GCFC2: variants seen among roughly 807,000 people sequenced by gnomAD.
The protein encoded by GCFC2 is intron Large complex component GCFC2.
Under a neutral mutation model 99.4 loss-of-function variants are expected in GCFC2, and 102 were observed. That is an observed-to-expected ratio of 1.03 (90% CI 0.87 to 1.21). The LOEUF (loss-of-function observed/expected upper bound fraction) is 1.21. Among genes scored for constraint, GCFC2 ranks in the 50% most tolerant of loss-of-function variants. The pLI is 0.00. For synonymous variants in GCFC2, 338 were observed against 316.8 expected, an observed-to-expected ratio of 1.07 and a Z score of -0.71; for missense variants, 973 against 920.9, an observed-to-expected ratio of 1.06 and a Z score of -0.73.
chr2:75,703,305 G>T (rs1680692799), intron 2 of GCFC2, among the ~76,000 whole-genome samples: 1 of 152,158 alleles, frequency 6.6e-6, no homozygotes, highest in Non-Finnish European at 1.5e-5. Context: ...AGGCTGAAGT[G>T]AAATTTTCTA....
In GCFC2 at chr2:75,694,302, C is replaced by T. The variant is rs1349949108; in HGVS notation, c.959G>A (p.Cys320Tyr). The T allele has an allele frequency of 2.4e-6, 3 of 1,270,520 alleles. No homozygotes were observed. The highest frequency in any genetic ancestry group is 3.4e-6 in the Non-Finnish European group (3 of 889,656). The allele number at this position is 1,270,520 out of a possible 1,614,324, so 78.7% of individuals were successfully genotyped here. A position where few individuals can be genotyped will look rare whatever the true frequency, so the allele number is the denominator to read the frequency against. Residue 320 changes from cysteine (C) to tyrosine (Y), a missense_variant, in exon 6 of 17, where the codon TGT (cysteine) becomes TAT (tyrosine). Cys to Tyr is a radical substitution (Grantham distance 194). Transcript: ENST00000321027. ...AATTTTCATGCTTTTATAGAATTTA[C>T]AATTTAGAGCTTGATTTGATGAACT... is the stretch of plus-strand genomic sequence containing the variant. ...LESSSNQALNCKFYKSMKIYV... is the reference protein window; with the variant it reads ...LESSSNQALNYKFYKSMKIYV...
chr2:75,712,385 G>A (rs987658047), upstream of GCFC2, among the ~76,000 whole-genome samples: 1 of 152,184 alleles, frequency 6.6e-6, no homozygotes. Context: ...GAGAACCTGT[G>A]TGTGGAAACT....
chr2:75,703,797 T>G (rs996641732), intron 2 of GCFC2, among the ~76,000 whole-genome samples: 1 of 152,148 alleles, frequency 6.6e-6, no homozygotes, highest in African/African-American at 2.4e-5. Flanking sequence ...AGAAGTATGT[T>G]TTTATAGCTC....
At position 75,680,194 on chromosome 2, in the gene GCFC2, T is replaced by G. The variant is rs766072910; in HGVS notation, c.1811A>C (p.Gln604Pro). 1 of 1,599,136 alleles carries G rather than the reference T, an allele frequency of 6.3e-7. No individual in the cohort carries two copies. Among genetic ancestry groups the G allele is most frequent in the Non-Finnish European group, 8.6e-7 (1 of 1,167,086 alleles). The change falls in exon 12 of 17, where the codon CAG becomes CCG. Residue 604 changes from glutamine (Q) to proline (P), a missense_variant and splice_region_variant. Transcript: ENST00000321027. ...GTTCGCAACTCTAGAAATTATTACC[T>G]GTCTGCTTTTACTAACTTCATTTTC... ...TCENEVSKSRQDLLKSIVSRM... is the reference protein window; with the variant it reads ...TCENEVSKSRPDLLKSIVSRM...
At chr2:75,700,998 A>T (rs1680562394) in intron 4 of GCFC2, among the ~76,000 whole-genome samples, 192 bp downstream of exon 4, 1 of 152,204 alleles carries the variant, frequency 6.6e-6, no homozygotes, top group Non-Finnish European at 1.5e-5. Flanking sequence ...TGCAAAAGGC[A>T]AGGAAGAATT....
At chr2:75,708,739 G>A (rs2104433140) in intron 1 of GCFC2, among the ~76,000 whole-genome samples, 1 of 151,998 alleles carries the variant, frequency 6.6e-6, no homozygotes, top group African/African-American at 2.4e-5. Context: ...TCGAACTCCT[G>A]ATCTCTTGAT....
At chr2:75,667,983 A>C (rs1259670198) in intron 15 of GCFC2, among the ~76,000 whole-genome samples, 1 of 152,218 alleles carries the variant, frequency 6.6e-6, no homozygotes, top group Non-Finnish European at 1.5e-5. Flanking sequence ...TTCCATTAGC[A>C]ACCAGATGAA....
intron 16 of GCFC2, 54 bp from the exon 17 acceptor site, chr2:75,664,837 C>T (rs1030455640): frequency 3.2e-5 from 26 of 813,202 alleles, no homozygotes; most frequent in South Asian, 1.3e-4. Context: ...GAGGGAACAG[C>T]GGTCAATTCA....
Position 75,664,732 on chromosome 2 carries a change from A to C in GCFC2, c.2280T>G (p.Asn760Lys), listed in dbSNP as rs138507763. 2.2e-3 allele frequency: 3,472 copies of C among 1,576,796 alleles called. 8 individuals carry two copies. Among genetic ancestry groups the C allele is most frequent in the Non-Finnish European group, 2.6e-3 (2,965 of 1,147,330 alleles). The change falls in exon 17 of 17, where the codon AAT (asparagine) becomes AAG (lysine). Residue 760 changes from asparagine to lysine, a missense_variant. Asn to Lys is a moderately conservative substitution (Grantham distance 94, BLOSUM62 0). Coordinates refer to ENST00000321027, the MANE Select transcript of GCFC2 (RefSeq NM_003203.5). ...ILILVKIKAL[N>K]QAESFIGEHH... ...GCTCTCCTATGAAGGATTCTGCTTGATTCAAAGCTTTTATTTTCACCAAAA... is the reference window on the plus strand; with the variant it reads ...GCTCTCCTATGAAGGATTCTGCTTGCTTCAAAGCTTTTATTTTCACCAAAA...
upstream of GCFC2, among the ~76,000 whole-genome samples, chr2:75,712,772 G>A (rs1681241557): frequency 6.6e-6 from 1 of 151,806 alleles, no homozygotes; most frequent in South Asian, 2.1e-4. Flanking sequence ...ACATCAGAAG[G>A]GGCAGACCCC....
intron 6 of GCFC2, among the ~76,000 whole-genome samples, chr2:75,693,311 A>G (rs549269479): frequency 1.8e-4 from 27 of 152,150 alleles, no homozygotes; most frequent in African/African-American, 4.1e-4. Context: ...GTGGTGGTGC[A>G]CGCCTGTAGT....
At chr2:75,707,143 G>C (rs1280800981) in intron 1 of GCFC2, among the ~76,000 whole-genome samples, 5 of 152,204 alleles carry the variant, frequency 3.3e-5, no homozygotes, top group Admixed American at 3.3e-4. Context: ...AAGCAGGGCT[G>C]TCAACCTAAT....
At chr2:75,671,820 G>C (rs895365562) in intron 14 of GCFC2, 130 bp downstream of exon 14, 3 of 404,198 alleles carry the variant, frequency 7.4e-6, no homozygotes, top group South Asian at 4.2e-5. Flanking sequence ...TGAGTAATTC[G>C]ACAGAGACCA....
chr2:75,689,166 T>C lies in GCFC2; in HGVS notation c.1399A>G (p.Ile467Val). ...FEEVQDDFCNIQNILLKFQQW... is the reference protein window; with the variant it reads ...FEEVQDDFCNVQNILLKFQQW... ...TGAAATTTCAACAAAATATTCTGGA[T>C]GTTACAAAAATCATCTTGCACTTCT... Residue 467 changes from isoleucine (I) to valine (V), a missense_variant, in exon 10 of 17, where the codon ATC becomes GTC. Transcript: ENST00000321027. 1 of 1,605,976 alleles carries C rather than the reference T, an allele frequency of 6.2e-7. No homozygotes were observed. Among genetic ancestry groups the C allele is most frequent in the East Asian group, 2.2e-5 (1 of 44,698 alleles).
At chr2:75,710,471 C>CCTG (rs753388176) in intron 1 of GCFC2, 120 bp downstream of exon 1, 1 of 1,387,620 alleles carries the variant, frequency 7.2e-7, no homozygotes, top group African/African-American at 1.5e-5. Flanking sequence ...CTGGATAAGA[C>CCTG]TCAGCATGGC....
chr2:75,675,755 A>C (rs1251141155), intron 12 of GCFC2, among the ~76,000 whole-genome samples: 2 of 147,912 alleles, frequency 1.4e-5, no homozygotes, highest in Non-Finnish European at 3.0e-5. Flanking sequence ...AAAAAAAAAA[A>C]AAACAAAAAA....
At chr2:75,706,744 C>T (rs1022125335) in intron 1 of GCFC2, 93 bp from the exon 2 acceptor site, 40 of 771,436 alleles carry the variant, frequency 5.2e-5, no homozygotes, top group East Asian at 2.1e-4. Flanking sequence ...ATGTATAATA[C>T]GGTGTTTTAA....
chr2:75,683,753 T>G (rs1298291576), intron 11 of GCFC2, among the ~76,000 whole-genome samples: 1 of 93,928 alleles, frequency 1.1e-5, no homozygotes, highest in Non-Finnish European at 2.0e-5. Flanking sequence ...GAGGAATATT[T>G]ACCAAGTAAA....
chr2:75,705,255 C>T (rs1680795366), intron 2 of GCFC2, among the ~76,000 whole-genome samples: 1 of 152,044 alleles, frequency 6.6e-6, no homozygotes, highest in Non-Finnish European at 1.5e-5. Flanking sequence ...TATTTCTGTA[C>T]CTTGTGGACA....
Sources: allele counts gnomAD v4.1 joint callset (sites outside exome capture counted in the v4.1 genomes callset), GRCh38; gene constraint gnomAD v4.1.1; transcripts MANE v1.5; gene names NCBI Gene and HGNC (gene_info 2026-07-23, HGNC 2026-07-21).